The following ALMS1 variants were observed in gnomAD, a reference collection of about 807,000 sequenced individuals.
The protein encoded by ALMS1 is centrosome-associated protein ALMS1.
Under a neutral mutation model 352.2 loss-of-function variants are expected in ALMS1, and 271 were observed. The ratio of observed to expected loss-of-function variants is 0.77; its 90% confidence interval spans 0.70 to 0.85. The LOEUF (loss-of-function observed/expected upper bound fraction) is 0.85, where lower values mean the gene tolerates loss of function less well. Among genes scored for constraint, ALMS1 ranks in the 40% least tolerant of loss-of-function variants. The pLI is 0.00. For missense variants in ALMS1, 5,445 were observed against 4,870.7 expected (o/e 1.12, Z -3.51); for synonymous variants, 1,865 against 1,761.2 (o/e 1.06, Z -1.48).
Position 73,490,193 on chromosome 2 carries a change from C to A in ALMS1, c.8234C>A (p.Ala2745Glu), listed in dbSNP as rs1243853107. Residue 2745 changes from alanine (A) to glutamate (E), a missense_variant, in exon 10 of 23, where the codon GCA becomes GAA. Ala to Glu is a moderately radical substitution (Grantham distance 107, BLOSUM62 -1). Transcript: ENST00000613296. ...ACTGAAGGTAGCCAGTGTACTGGAGCATCTGTGGGGGTATTTAATTCTCAT... is the reference window on the plus strand; with the variant it reads ...ACTGAAGGTAGCCAGTGTACTGGAGAATCTGTGGGGGTATTTAATTCTCAT... The part of the protein sequence containing the change: ...GVTEGSQCTG[A>E]SVGVFNSHFT... 1.9e-6 allele frequency: 3 copies of A among 1,614,166 alleles called. No homozygotes were observed. The South Asian group carries it at 3.3e-5, about 18-fold the overall frequency.
chr2:73,552,824 T>G (rs1034148728), intron 13 of ALMS1, among the ~76,000 whole-genome samples: 1 of 152,056 alleles, frequency 6.6e-6, no homozygotes, highest in African/African-American at 2.4e-5. Flanking sequence ...AAATATCATA[T>G]CATAAGTAAA....
intron 11 of ALMS1, among the ~76,000 whole-genome samples, chr2:73,522,721 C>T (rs1673710715): frequency 6.6e-6 from 1 of 152,148 alleles, no homozygotes; most frequent in African/African-American, 2.4e-5. Context: ...CCCACCTTGG[C>T]CTCCCAAAGT....
chr2:73,525,530 A>T (rs1483655422), intron 11 of ALMS1, among the ~76,000 whole-genome samples: 1 of 152,144 alleles, frequency 6.6e-6, no homozygotes, highest in African/African-American at 2.4e-5. Flanking sequence ...ATGATCACTG[A>T]TGTTGAGCAC....
intron 13 of ALMS1, among the ~76,000 whole-genome samples, chr2:73,554,585 C>T (rs941152585): frequency 6.6e-6 from 1 of 150,530 alleles, no homozygotes; most frequent in African/African-American, 2.4e-5. Flanking sequence ...TGGTGGCGGG[C>T]GCCTGTAGTC....
At chr2:73,603,165 T>C in intron 20 of ALMS1, 76 bp from the exon 21 acceptor site, 1 of 1,417,618 alleles carries the variant, frequency 7.1e-7, no homozygotes, top group South Asian at 1.2e-5. Context: ...TCCTAGCAGC[T>C]CCCTCTCCCA....
intron 2 of ALMS1, among the ~76,000 whole-genome samples, chr2:73,416,309 G>A (rs1277671430): frequency 6.6e-6 from 1 of 152,172 alleles, no homozygotes; most frequent in Non-Finnish European, 1.5e-5. Context: ...GCAATTTGAT[G>A]TTATAGATCT....
At chr2:73,405,969 G>A (rs1243125665) in intron 1 of ALMS1, among the ~76,000 whole-genome samples, 7 of 152,144 alleles carry the variant, frequency 4.6e-5, no homozygotes, top group African/African-American at 1.7e-4. Flanking sequence ...AATGTTTCAC[G>A]TGCACTTGAG....
intron 21 of ALMS1, chr2:73,604,082 G>A (rs766517168): frequency 6.6e-6 from 1 of 152,204 alleles, no homozygotes; most frequent in East Asian, 1.9e-4. Flanking sequence ...TTGTGCCTAT[G>A]TAGATGTGTG....
At chr2:73,557,626 T>C (rs958581777) in intron 14 of ALMS1, among the ~76,000 whole-genome samples, 3 of 152,222 alleles carry the variant, frequency 2.0e-5, no homozygotes, top group South Asian at 2.1e-4. Context: ...CAGAAATTCA[T>C]TTAATGGACT....
At chr2:73,464,397 C>T (rs11504914) in intron 9 of ALMS1, among the ~76,000 whole-genome samples, 2 of 152,140 alleles carry the variant, frequency 1.3e-5, no homozygotes, top group Middle Eastern at 3.4e-3. Flanking sequence ...ATTCAACAAC[C>T]CTTCATGCTA....
chr2:73,406,436 GTTTTT>G (rs555343293), intron 1 of ALMS1, among the ~76,000 whole-genome samples: 1 of 122,052 alleles, frequency 8.2e-6, no homozygotes, highest in African/African-American at 3.0e-5. Context: ...AATCCTATGG[GTTTTT>G]TTTTTTTTTT....
intron 10 of ALMS1, among the ~76,000 whole-genome samples, chr2:73,497,455 G>T (rs1673132660): frequency 1.3e-5 from 2 of 151,954 alleles, no homozygotes; most frequent in Admixed American, 6.5e-5. Context: ...AGGTTTACAG[G>T]CATACCTCAG....
intron 2 of ALMS1, among the ~76,000 whole-genome samples, chr2:73,413,517 C>G (rs1030749898): frequency 2.6e-5 from 4 of 152,114 alleles, no homozygotes; most frequent in Non-Finnish European, 5.9e-5. Flanking sequence ...AAATGTTTAA[C>G]AGCATTCCTG....
chr2:73,569,280 G>T (rs1229308798), intron 15 of ALMS1, among the ~76,000 whole-genome samples: 1 of 151,892 alleles, frequency 6.6e-6, no homozygotes, highest in African/African-American at 2.4e-5. Context: ...CTTCCAAAGT[G>T]CTGGGATTAC....
chr2:73,422,710 T>C (rs1671307744), intron 3 of ALMS1, 147 bp from the exon 4 acceptor site: 1 of 675,160 alleles, frequency 1.5e-6, no homozygotes, highest in African/African-American at 1.8e-5. Context: ...AAATGGTAGC[T>C]GCTACTGCTG....
In ALMS1 at chr2:73,481,082, T is replaced by G. The variant is rs993787916; in HGVS notation, c.7675-8552T>G. ...CTGTGCAGAAGCTCTTTAGTTTAATTAGATCCCATTTGTCAATTTTGTCTT... is the reference window on the plus strand; with the variant it reads ...CTGTGCAGAAGCTCTTTAGTTTAATGAGATCCCATTTGTCAATTTTGTCTT... On this transcript the variant is annotated intron_variant, in intron 9 of 22. Coordinates refer to ENST00000613296, the MANE Select transcript of ALMS1 (RefSeq NM_001378454.1). 2.2e-4 allele frequency among the ~76,000 whole-genome samples: 33 copies of G among 152,124 alleles called. No homozygotes were observed. In the East Asian group the frequency reaches 3.7e-3, roughly 17 times the overall value.
At chr2:73,529,226 T>C (rs1211500661) in intron 11 of ALMS1, among the ~76,000 whole-genome samples, 1 of 152,076 alleles carries the variant, frequency 6.6e-6, no homozygotes, top group Non-Finnish European at 1.5e-5. Flanking sequence ...GTATTTTTAG[T>C]AGAGACGGGG....
chr2:73,458,033 CAAAAAAAA>C (rs70965735), intron 9 of ALMS1: 1 of 75,294 alleles, frequency 1.3e-5, no homozygotes, highest in Admixed American at 1.9e-4. Flanking sequence ...GACTTTGTCT[CAAAAAAAA>C]AAAAAAAAAA....
chr2:73,396,893 C>T (rs1483777376), intron 1 of ALMS1, among the ~76,000 whole-genome samples: 1 of 152,122 alleles, frequency 6.6e-6, no homozygotes, highest in Non-Finnish European at 1.5e-5. Flanking sequence ...ATCCACCCTC[C>T]TCGGCCTCCC....
Sources: allele counts gnomAD v4.1 joint callset (sites outside exome capture counted in the v4.1 genomes callset), GRCh38; gene constraint gnomAD v4.1.1; transcripts MANE v1.5; gene names NCBI Gene and HGNC (gene_info 2026-07-23, HGNC 2026-07-21).